Variants in LILRB2 observed in about 807,000 individuals in gnomAD.
LILRB2 encodes the protein leukocyte immunoglobulin like receptor B2, also known as leukocyte immunoglobulin-like receptor subfamily B member 2.
Under a neutral mutation model 72.7 loss-of-function variants are expected in LILRB2, and 47 were observed. The observed-to-expected ratio is 0.65, with a 90% CI of 0.51 to 0.82. LILRB2 has a LOEUF of 0.82. LILRB2 is among the 40% of genes least tolerant of loss of function. The pLI is 0.00. For missense variants in LILRB2, 767 were observed against 764.8 expected, an observed-to-expected ratio of 1.00 and a Z score of -0.03; for synonymous variants, 279 against 313.7, an observed-to-expected ratio of 0.89 and a Z score of 1.17.
chr19:54,278,385 T>C lies in LILRB2; in HGVS notation c.1133A>G (p.Gln378Arg). The C allele has an allele frequency of 1.2e-6, 2 of 1,614,074 alleles. No individual in the cohort carries two copies. The highest frequency in any genetic ancestry group is 1.7e-6 in the Non-Finnish European group (2 of 1,180,026). ...CACAGGACTCATGGGGAATTCAGCC[T>C]GGTACTTAGGATATTCGTGTATTGA... ...LRSIHEYPKY[Q>R]AEFPMSPVTS... The change falls in exon 7 of 14, where the codon CAG (glutamine) becomes CGG (arginine). Residue 378 changes from glutamine to arginine, a missense_variant. Physicochemically the swap from Gln to Arg is conservative, Grantham distance 43 (BLOSUM62 1). Coordinates refer to ENST00000314446, the MANE Select transcript of LILRB2 (RefSeq NM_001080978.4).
Position 54,280,033 on chromosome 19 carries a change from A to G in LILRB2, c.113T>C (p.Val38Ala), listed in dbSNP as rs1231177909. 3.1e-6 allele frequency: 5 copies of G among 1,613,986 alleles called. No individual in the cohort carries two copies. In the Admixed American group the frequency reaches 6.7e-5, roughly 22 times the overall value. ...GGTGACGGGACTCCCCTGGGTGATCACAGAGTCTGGCTCAGCCCACAGGGT... is the reference window on the plus strand; with the variant it reads ...GGTGACGGGACTCCCCTGGGTGATCGCAGAGTCTGGCTCAGCCCACAGGGT... ...KPTLWAEPDSVITQGSPVTLS... is the reference protein window; with the variant it reads ...KPTLWAEPDSAITQGSPVTLS... Residue 38 changes from valine to alanine, a missense_variant, in exon 4 of 14, where the codon GTG (valine) becomes GCG (alanine). Coordinates refer to ENST00000314446, the MANE Select transcript of LILRB2 (RefSeq NM_001080978.4).
chr19:54,278,085 T>C, intron 7 of LILRB2, 146 bp from the exon 8 acceptor site: 1 of 1,126,806 alleles, frequency 8.9e-7, no homozygotes, highest in Non-Finnish European at 1.3e-6. Flanking sequence ...GCGATGCCGC[T>C]GAGTGTGCGC....
In LILRB2 at chr19:54,278,604, T is replaced by G. The variant is rs2080375561; in HGVS notation, c.956-42A>C. 1.9e-6 allele frequency: 3 copies of G among 1,608,134 alleles called. No individual in the cohort carries two copies. In the East Asian group the frequency reaches 6.7e-5, roughly 36 times the overall value. On this transcript the variant is annotated intron_variant, in intron 6 of 13. Coordinates refer to ENST00000314446, the MANE Select transcript of LILRB2 (RefSeq NM_001080978.4). ...TGGGTGAGGGGCTGCCCCACCTTGCTCTGAGCTGAGACCTCCCCAGGCCTC... is the reference window on the plus strand; with the variant it reads ...TGGGTGAGGGGCTGCCCCACCTTGCGCTGAGCTGAGACCTCCCCAGGCCTC...
Position 54,279,534 on chromosome 19 carries a change from T to G in LILRB2, c.469A>C (p.Lys157Gln). 4 of 1,614,058 alleles carry G rather than the reference T, an allele frequency of 2.5e-6. No homozygotes were observed. Among genetic ancestry groups the G allele is most frequent in the Non-Finnish European group, 3.4e-6 (4 of 1,179,986 alleles). ...QVAFGGFILC[K>Q]EGEDEHPQCL... ...TGTGGGTGTTCATCTTCTCCTTCCT[T>G]ACACAGAATGAAGCCGCCAAATGCC... The change falls in exon 5 of 14, where the codon AAG becomes CAG. Residue 157 changes from lysine (K) to glutamine (Q), a missense_variant. By Grantham distance (53) the Lys-to-Gln change is moderately conservative. Around this residue, in one of 3 missense-constraint regions of LILRB2, gnomAD observed 599 missense variants for 568.2 expected, o/e 1.05. Transcript: ENST00000314446.
rs1212091770 is a variant in LILRB2 at position 54,280,025 on chromosome 19, G to C, written c.121C>G (p.Gln41Glu). 6.2e-7 allele frequency: 1 copy of C among 1,613,950 alleles called. No individual in the cohort carries two copies. Among genetic ancestry groups the C allele is most frequent in the Non-Finnish European group, 8.5e-7 (1 of 1,179,966 alleles). Residue 41 changes from glutamine to glutamate, a missense_variant, in exon 4 of 14, where the codon CAG becomes GAG. Around this residue, in one of 3 missense-constraint regions of LILRB2, gnomAD observed 599 missense variants for 568.2 expected, o/e 1.05. Transcript: ENST00000314446. ...LWAEPDSVIT[Q>E]GSPVTLSCQG... ...CAACTGAGGGTGACGGGACTCCCCT[G>C]GGTGATCACAGAGTCTGGCTCAGCC...
At chr19:54,278,735 G>C (rs1601115127) in intron 6 of LILRB2, 77 bp downstream of exon 6, 2 of 1,478,960 alleles carry the variant, frequency 1.4e-6, no homozygotes, top group Middle Eastern at 2.6e-4. Context: ...GCCTCATCCT[G>C]GCCATCACTA....
Position 54,279,989 on chromosome 19 carries a change from G to T in LILRB2, c.157C>A (p.Leu53Ile). 1 of 1,614,126 alleles carries T rather than the reference G, an allele frequency of 6.2e-7. No individual in the cohort carries two copies. The highest frequency in any genetic ancestry group is 2.2e-5 in the East Asian group (1 of 44,882). The change falls in exon 4 of 14, where the codon CTT becomes ATT. Residue 53 changes from leucine (L) to isoleucine (I), a missense_variant. Coordinates refer to ENST00000314446, the MANE Select transcript of LILRB2 (RefSeq NM_001080978.4). ...TATAGACGGTACTCCTGGGCTTCAA[G>T]GCTCCCCTGACAACTGAGGGTGACG... ...SPVTLSCQGS[L>I]EAQEYRLYRE...
intron 7 of LILRB2, 66 bp downstream of exon 7, chr19:54,278,194 C>T: frequency 1.3e-6 from 2 of 1,589,790 alleles, no homozygotes; most frequent in East Asian, 2.2e-5. Context: ...CAGCCCAGAG[C>T]TCTCCTGGGG....
intron 13 of LILRB2, 151 bp from the exon 14 acceptor site, chr19:54,274,980 G>A (rs796894046): frequency 6.3e-5 from 102 of 1,609,998 alleles, no homozygotes; most frequent in South Asian, 3.5e-4. Flanking sequence ...ACAGTGGGGA[G>A]GGAGGAGAGG....
rs1601103594 is a variant in LILRB2 at position 54,277,171 on chromosome 19, C to T, written c.1358-242G>A. 7 of 1,509,520 alleles carry T rather than the reference C, an allele frequency of 4.6e-6. No individual in the cohort carries two copies. In the East Asian group the frequency reaches 1.7e-4, roughly 37 times the overall value. 93.5% of individuals were successfully genotyped at this position (1,509,520 alleles called of 1,614,324 possible). A position where few individuals can be genotyped will look rare whatever the true frequency, so the allele number is the denominator to read the frequency against. On this transcript the variant is annotated intron_variant, in intron 9 of 13. Transcript: ENST00000314446. ...GAAGGGAGCCTGGGAGTCTGACCTGCAGCCCTTGTTCCTGCACCAGAGCCG... is the reference window on the plus strand; with the variant it reads ...GAAGGGAGCCTGGGAGTCTGACCTGTAGCCCTTGTTCCTGCACCAGAGCCG...
chr19:54,277,915 G>C lies in LILRB2; in HGVS notation c.1283C>G (p.Pro428Arg). 7.1e-6 allele frequency: 11 copies of C among 1,541,478 alleles called. No individual in the cohort carries two copies. Among genetic ancestry groups the C allele is most frequent in the Non-Finnish European group, 9.6e-6 (11 of 1,141,968 alleles). The change falls in exon 8 of 14, where the codon CCA becomes CGA. Residue 428 changes from proline (P) to arginine (R), a missense_variant. By Grantham distance (103) the Pro-to-Arg change is moderately radical (BLOSUM62 -2). This residue lies in a region of LILRB2 where 599 missense variants were observed against 568.2 expected (regional missense o/e 1.05). Transcript: ENST00000314446. ...VSGPSMGSSPPPTGPISTPGP... is the reference protein window; with the variant it reads ...VSGPSMGSSPRPTGPISTPGP... ...AGGTGTGGAGATGGGACCGGTGGGT[G>C]GGGGGCTGGAACCCATGGAGGGTCC...
chr19:54,275,601 T>C (rs444004), intron 13 of LILRB2: 115,250 of 530,232 alleles, frequency 0.22, 14,208 homozygotes, highest in South Asian at 0.34. Context: ...ATGGGGAGCC[T>C]GATCCACAGT....
intron 1 of LILRB2, chr19:54,280,746 T>C (rs1449610401): frequency 2.7e-5 from 11 of 406,696 alleles, no homozygotes; most frequent in Admixed American, 4.6e-5. Flanking sequence ...CATTTCAGAC[T>C]GTAATGGGGT....
chr19:54,278,241 A>G lies in LILRB2; in HGVS notation c.1258+19T>C, dbSNP rs779958374. The G allele has an allele frequency of 1.9e-6, 3 of 1,613,672 alleles. No individual in the cohort carries two copies. The highest frequency in any genetic ancestry group is 3.3e-5 in the Admixed American group (2 of 60,008). On this transcript the variant is annotated intron_variant, in intron 7 of 13. Coordinates refer to ENST00000314446, the MANE Select transcript of LILRB2 (RefSeq NM_001080978.4). ...AGCTGAGCCTTTGAGCTCAGAGAGG[A>G]CAGGGTCAAGGCCCCCACCTGAGAC...
Position 54,278,053 on chromosome 19 carries a change from G to C in LILRB2, c.1259-114C>G, listed in dbSNP as rs970648102. 24 of 1,100,798 alleles carry C rather than the reference G, an allele frequency of 2.2e-5. No individual in the cohort carries two copies. The South Asian group carries it at 3.8e-4, about 17-fold the overall frequency. 68.2% of individuals were successfully genotyped at this position (1,100,798 alleles called of 1,614,324 possible). A position where few individuals can be genotyped will look rare whatever the true frequency, so the allele number is the denominator to read the frequency against. ...CCTCCCCAGGCCCCTCCCTCCACCCGCCTCTCCTGTCCATGATGCTGGCGA... is the reference window on the plus strand; with the variant it reads ...CCTCCCCAGGCCCCTCCCTCCACCCCCCTCTCCTGTCCATGATGCTGGCGA... On this transcript the variant is annotated intron_variant, in intron 7 of 13. Coordinates refer to ENST00000314446, the MANE Select transcript of LILRB2 (RefSeq NM_001080978.4).
chr19:54,274,036 G>A lies in LILRB2; in HGVS notation c.*647C>T, dbSNP rs2080098791. On this transcript the variant is annotated 3_prime_UTR_variant, in exon 14 of 14. Transcript: ENST00000314446. ...GTATAGGTTTGCAGCCTGTTCTGGG[G>A]TTAGTTTGTGAAAATGTGTGTAGGA... 6.5e-6 allele frequency: 1 copy of A among 152,784 alleles called. No homozygotes were observed. Among genetic ancestry groups the A allele is most frequent in the South Asian group, 2.1e-4 (1 of 4,874 alleles). The allele number at this position is 152,784 out of a possible 1,614,324, so 9.5% of individuals were successfully genotyped here.
chr19:54,277,660 G>A, intron 8 of LILRB2, 63 bp from the exon 9 acceptor site: 1 of 1,521,774 alleles, frequency 6.6e-7, no homozygotes, highest in East Asian at 2.4e-5. Flanking sequence ...CAGCCCGGCT[G>A]CTCCTCCCCC....
At chr19:54,279,277 C>T in intron 5 of LILRB2, 68 bp downstream of exon 5, 1 of 1,560,160 alleles carries the variant, frequency 6.4e-7, no homozygotes, top group Admixed American at 1.8e-5. Context: ...TGAGACACGG[C>T]TGCTCCCCAC....
rs368937832 is a variant in LILRB2 at position 54,278,990 on chromosome 19, C to T, written c.777G>A (p.Glu259=). The T allele has an allele frequency of 3.7e-5, 59 of 1,613,920 alleles. No individual in the cohort carries two copies. The highest frequency in any genetic ancestry group is 1.6e-4 in the Middle Eastern group (1 of 6,062). Residue 259 remains glutamate, a synonymous_variant, in exon 6 of 14, where the codon GAG becomes GAA. Transcript: ENST00000314446. Reference sequence around the variant, plus strand: ...GGAGCTGGCGAAGGTCACGTTCCCCCTCCTTGTACAGAACAAATCTGTCAT... The same window carrying T: ...GGAGCTGGCGAAGGTCACGTTCCCCTTCCTTGTACAGAACAAATCTGTCAT... ...VGYDRFVLYK[E]GERDLRQLPG...
Sources: allele counts gnomAD v4.1 joint callset, GRCh38; gene constraint gnomAD v4.1.1; regional missense constraint gnomAD v4.1.1; transcripts MANE v1.5; gene names NCBI Gene and HGNC (gene_info 2026-07-23, HGNC 2026-07-21).